The following IGBP1C variants were observed in gnomAD, a reference collection of about 807,000 sequenced individuals.
IGBP1C encodes IGBP1 family member C, also known as immunoglobulin-binding protein 1 family member C.
At chr17:58,661,567 C>A in the IGBP1C span, 1 of 738,808 alleles carries the variant, frequency 1.4e-6, no homozygotes, top group Non-Finnish European at 2.5e-6. Context: ...GGAGCCGCGG[C>A]GGCGGCAGGA....
chr17:58,688,039 A>G, the IGBP1C span, among the ~76,000 whole-genome samples: 5 of 152,224 alleles, frequency 3.3e-5, no homozygotes, highest in Non-Finnish European at 7.3e-5. Flanking sequence ...CCCCAGTCAT[A>G]GGATTACTGT....
the IGBP1C span, among the ~76,000 whole-genome samples, chr17:58,686,805 G>A: frequency 2.1e-5 from 3 of 143,716 alleles, no homozygotes; most frequent in African/African-American, 7.7e-5. Flanking sequence ...TCCTCAGTCT[G>A]AACAACATTG....
At chr17:58,662,817 C>T in the IGBP1C span, among the ~76,000 whole-genome samples, 2 of 152,158 alleles carry the variant, frequency 1.3e-5, no homozygotes, top group Non-Finnish European at 2.9e-5. Flanking sequence ...GCAGTTGTGA[C>T]TGTTAAAATG....
the IGBP1C span, chr17:58,660,459 T>C: frequency 1.7e-6 from 1 of 585,132 alleles, no homozygotes; most frequent in Admixed American, 2.9e-5. Flanking sequence ...CAAAGCAACA[T>C]TAAGCATCTT....
At chr17:58,665,326 G>A in the IGBP1C span, among the ~76,000 whole-genome samples, 1 of 151,778 alleles carries the variant, frequency 6.6e-6, no homozygotes, top group Non-Finnish European at 1.5e-5. Context: ...TGTTTTGCCT[G>A]GGTGCAATGA....
chr17:58,689,853 T>TC, the IGBP1C span, among the ~76,000 whole-genome samples: 6 of 151,840 alleles, frequency 4.0e-5, no homozygotes, highest in Admixed American at 3.9e-4. Flanking sequence ...GAAGATTTTT[T>TC]TTTTTTTTTT....
At chr17:58,675,850 A>G in the IGBP1C span, among the ~76,000 whole-genome samples, 1 of 152,214 alleles carries the variant, frequency 6.6e-6, no homozygotes, top group Non-Finnish European at 1.5e-5. Context: ...CTGGGCCTCC[A>G]AAGGTACGGT....
the IGBP1C span, among the ~76,000 whole-genome samples, chr17:58,683,369 T>TTC: frequency 8.0e-6 from 1 of 124,858 alleles, no homozygotes; most frequent in African/African-American, 3.3e-5. Flanking sequence ...CAAGACTCCA[T>TTC]CCCCCCCCCC....
At chr17:58,661,490 GA>G in the IGBP1C span, 2 of 781,258 alleles carry the variant, frequency 2.6e-6, no homozygotes, top group African/African-American at 1.7e-5. Flanking sequence ...GACTATTCGG[GA>G]ACCGGTGGGT....
the IGBP1C span, among the ~76,000 whole-genome samples, chr17:58,686,082 G>A: frequency 6.6e-6 from 1 of 151,802 alleles, no homozygotes; most frequent in Admixed American, 6.6e-5. Context: ...GGATCATGGT[G>A]GCTCGCACCT....
chr17:58,665,381 G>C, the IGBP1C span, among the ~76,000 whole-genome samples: 1 of 150,352 alleles, frequency 6.7e-6, no homozygotes, highest in Non-Finnish European at 1.5e-5. Flanking sequence ...AGGCAGGATG[G>C]CTTGAGGCCA....
the IGBP1C span, among the ~76,000 whole-genome samples, chr17:58,684,462 C>T: frequency 7.4e-6 from 1 of 135,918 alleles, no homozygotes; most frequent in South Asian, 2.4e-4. Flanking sequence ...AACTCCGTCC[C>T]AAAAAAAAAA....
chr17:58,674,756 C>T, the IGBP1C span, among the ~76,000 whole-genome samples: 16 of 143,482 alleles, frequency 1.1e-4, no homozygotes, highest in Admixed American at 8.8e-4. Flanking sequence ...CATATGACAT[C>T]AAAAGCACAA....
chr17:58,661,234 A>G, the IGBP1C span: 1 of 795,230 alleles, frequency 1.3e-6, no homozygotes, highest in South Asian at 1.3e-5. Flanking sequence ...ACTCGGCCAC[A>G]CGATAGTAAT....
At chr17:58,691,352 G>A in the IGBP1C span, among the ~76,000 whole-genome samples, 3 of 151,724 alleles carry the variant, frequency 2.0e-5, no homozygotes, top group Non-Finnish European at 4.4e-5. Flanking sequence ...TCTAAGCTGG[G>A]AAGAAAAGTC....
At chr17:58,674,395 C>A in the IGBP1C span, among the ~76,000 whole-genome samples, 3 of 151,998 alleles carry the variant, frequency 2.0e-5, no homozygotes, top group Non-Finnish European at 4.4e-5. Context: ...TCCGGCCAGG[C>A]GCAGTGGCTC....
the IGBP1C span, among the ~76,000 whole-genome samples, chr17:58,674,692 G>A: frequency 6.6e-6 from 1 of 151,488 alleles, no homozygotes; most frequent in South Asian, 2.1e-4. Context: ...GAAACACTAA[G>A]AAGAAAACAT....
chr17:58,677,163 T>G, the IGBP1C span, among the ~76,000 whole-genome samples: 1 of 150,354 alleles, frequency 6.7e-6, no homozygotes, highest in African/African-American at 2.5e-5. Context: ...TGGTGGCACA[T>G]GCCTGTACAG....
chr17:58,665,425 A>AC, the IGBP1C span, among the ~76,000 whole-genome samples: 1 of 151,360 alleles, frequency 6.6e-6, no homozygotes, highest in Non-Finnish European at 1.5e-5. Flanking sequence ...ACTTGCCTAA[A>AC]CCCTGCCTCT....
Sources: gnomAD v4.1 joint callset for allele counts (sites outside exome capture counted in the v4.1 genomes callset) on GRCh38, gnomAD v4.1.1 for gene constraint, MANE v1.5 for transcripts, NCBI Gene and HGNC (gene_info 2026-07-23, HGNC 2026-07-21) for gene names.